The following DIAPH2 variants were observed in gnomAD, a reference collection of about 807,000 sequenced individuals.
The protein encoded by DIAPH2 is diaphanous related formin 2.
In DIAPH2, 35 loss-of-function variants were observed where a neutral mutation model predicts 92.7. That is an observed-to-expected ratio of 0.38 (90% CI 0.29 to 0.50). The LOEUF is 0.50. Among genes scored for constraint, DIAPH2 ranks in the 20% least tolerant of loss-of-function variants. DIAPH2 has a pLI of 0.94. For synonymous variants in DIAPH2, 301 were observed against 280.4 expected, an observed-to-expected ratio of 1.07 and a Z score of -0.73; for missense variants, 701 against 819.5, an observed-to-expected ratio of 0.86 and a Z score of 1.77.
At chrX:97,525,030 C>T (rs1264203982) in intron 26 of DIAPH2, among the ~76,000 whole-genome samples, 1 of 111,964 alleles carries the variant, frequency 8.9e-6, no homozygotes, top group Non-Finnish European at 1.9e-5. Context: ...GTTTTTGATT[C>T]TTTGTAGGCG....
chrX:97,335,988 G>T (rs191512336), intron 23 of DIAPH2, among the ~76,000 whole-genome samples: 296 of 110,824 alleles, frequency 2.7e-3, no homozygotes, highest in African/African-American at 9.2e-3. Flanking sequence ...ACTTAACTCC[G>T]TAGTCTCTAG....
intron 26 of DIAPH2, among the ~76,000 whole-genome samples, chrX:97,444,370 A>G (rs1232689917): frequency 9.0e-6 from 1 of 111,400 alleles, no homozygotes; most frequent in East Asian, 2.8e-4. Context: ...TCCTGGACAC[A>G]AAGAAATGAA....
At chrX:96,731,324 G>A (rs374985266) in intron 1 of DIAPH2, among the ~76,000 whole-genome samples, 2 of 111,439 alleles carry the variant, frequency 1.8e-5, no homozygotes, top group South Asian at 3.9e-4. Flanking sequence ...TTCTTGGAAC[G>A]CAAGAAACTT....
At chrX:96,922,640 A>G (rs947254774) in intron 9 of DIAPH2, among the ~76,000 whole-genome samples, 2 of 111,966 alleles carry the variant, frequency 1.8e-5, no homozygotes, top group African/African-American at 6.5e-5. Context: ...TAACTTTTTC[A>G]TTGTGGTCCT....
chrX:97,436,771 G>A (rs773179203), intron 26 of DIAPH2, among the ~76,000 whole-genome samples: 10 of 111,192 alleles, frequency 9.0e-5, no homozygotes, highest in Admixed American at 7.7e-4. Context: ...AAACACCACC[G>A]TTCCTCCACC....
intron 26 of DIAPH2, among the ~76,000 whole-genome samples, chrX:97,519,415 G>A (rs1367789284): frequency 8.9e-6 from 1 of 111,937 alleles, no homozygotes; most frequent in East Asian, 2.8e-4. Context: ...TAAGTCACCT[G>A]GATCTACAAA....
At chrX:96,953,244 A>G (rs764221659) in intron 15 of DIAPH2, among the ~76,000 whole-genome samples, 1 of 111,795 alleles carries the variant, frequency 8.9e-6, no homozygotes, top group Non-Finnish European at 1.9e-5. Context: ...TCAATATTTT[A>G]TGGAACTTAA....
chrX:96,760,014 T>C (rs768030413), intron 4 of DIAPH2, among the ~76,000 whole-genome samples: 1 of 111,837 alleles, frequency 8.9e-6, no homozygotes, highest in South Asian at 3.7e-4. Context: ...AAATTCTATG[T>C]TTAAGGCATT....
intron 5 of DIAPH2, among the ~76,000 whole-genome samples, chrX:96,897,748 A>C (rs1205138763): frequency 2.8e-5 from 3 of 106,072 alleles, no homozygotes; most frequent in African/African-American, 6.8e-5. Flanking sequence ...ATTATACTTT[A>C]AGTTTTAGGG....
chrX:96,903,291 C>T (rs2147772934), intron 5 of DIAPH2, among the ~76,000 whole-genome samples: 1 of 111,784 alleles, frequency 8.9e-6, no homozygotes, highest in Admixed American at 9.5e-5. Flanking sequence ...TTATTCATGA[C>T]ATAAACTTGG....
At position 97,506,031 on chromosome X, in the gene DIAPH2, C is replaced by T. The variant is rs765343842; in HGVS notation, c.3241+76286C>T. Reference sequence around the variant, plus strand: ...TACTTTTTCCACCTCATAGCTTTAACAGTGGCATTTGTATGTTACCCAAAC... The same window carrying T: ...TACTTTTTCCACCTCATAGCTTTAATAGTGGCATTTGTATGTTACCCAAAC... On this transcript the variant is annotated intron_variant, in intron 26 of 26. Transcript: ENST00000324765. Among the ~76,000 whole-genome samples the T allele has an allele frequency of 2.8e-5, 3 of 108,652 alleles. No individual in the cohort carries two copies. In the South Asian group the frequency reaches 1.2e-3, roughly 44 times the overall value. 94.4% of individuals were successfully genotyped at this position (108,652 alleles called of 115,157 possible). A position where few individuals can be genotyped will look rare whatever the true frequency, so the allele number is the denominator to read the frequency against.
At chrX:97,402,907 C>G (rs1037437674) in intron 25 of DIAPH2, among the ~76,000 whole-genome samples, 2 of 112,228 alleles carry the variant, frequency 1.8e-5, no homozygotes, top group Non-Finnish European at 3.8e-5. Flanking sequence ...GAAAAATGGA[C>G]AACCAAGATA....
rs2066884507 is a variant in DIAPH2 at position 97,098,554 on chromosome X, A to C, written c.2248-1140A>C. On this transcript the variant is annotated intron_variant, in intron 19 of 26. Transcript: ENST00000324765. ...AAAACTTCATTCCTTTATGACTAGT[A>C]GCTGGGATTACAGGCATGTGCCACC... 2.7e-5 allele frequency among the ~76,000 whole-genome samples: 3 copies of C among 112,800 alleles called. No individual in the cohort carries two copies. In the Admixed American group the frequency reaches 2.8e-4, roughly 11 times the overall value.
chrX:97,478,283 TCATTATAATG>T (rs1476174416), intron 26 of DIAPH2, among the ~76,000 whole-genome samples: 2 of 111,967 alleles, frequency 1.8e-5, no homozygotes, highest in African/African-American at 6.5e-5. Flanking sequence ...ATGGAGGTGA[TCATTATAATG>T]CATTATTTGT....
At chrX:97,082,198 T>G (rs1484934258) in intron 19 of DIAPH2, among the ~76,000 whole-genome samples, 2 of 110,631 alleles carry the variant, frequency 1.8e-5, no homozygotes, top group East Asian at 2.8e-4. Flanking sequence ...AGAAATCATA[T>G]TTTATGCTGC....
intron 16 of DIAPH2, among the ~76,000 whole-genome samples, chrX:96,963,750 G>A (rs994234885): frequency 7.2e-5 from 8 of 111,422 alleles, no homozygotes; most frequent in Non-Finnish European, 1.1e-4. Flanking sequence ...TACATGTTGT[G>A]ATTATCTACT....
At chrX:97,100,425 A>G (rs1404607986) in intron 20 of DIAPH2, among the ~76,000 whole-genome samples, 1 of 111,758 alleles carries the variant, frequency 8.9e-6, no homozygotes, top group East Asian at 2.8e-4. Flanking sequence ...ATGAATAAGT[A>G]TAAATTTTGA....
chrX:97,505,247 G>A (rs1342997350), intron 26 of DIAPH2, among the ~76,000 whole-genome samples: 1 of 111,769 alleles, frequency 8.9e-6, no homozygotes, highest in South Asian at 3.7e-4. Context: ...TCATTACGGG[G>A]CATGATACCA....
chrX:97,453,548 G>A (rs775722641), intron 26 of DIAPH2, among the ~76,000 whole-genome samples: 75 of 110,906 alleles, frequency 6.8e-4, no homozygotes, highest in Non-Finnish European at 1.2e-3. Flanking sequence ...ATTTATTATA[G>A]CCAAAGCCTG....
Sources: allele counts gnomAD v4.1 joint callset (sites outside exome capture counted in the v4.1 genomes callset), GRCh38; gene constraint gnomAD v4.1.1; transcripts MANE v1.5; gene names NCBI Gene and HGNC (gene_info 2026-07-23, HGNC 2026-07-21).